The following ULK4 variants were observed in gnomAD, a reference collection of about 807,000 sequenced individuals.
ULK4 encodes inactive serine/threonine-protein kinase ULK4.
Under a neutral mutation model 160.6 loss-of-function variants are expected in ULK4, and 133 were observed. That is an observed-to-expected ratio of 0.83 (90% CI 0.72 to 0.96). The LOEUF (loss-of-function observed/expected upper bound fraction) is 0.96, where lower values mean the gene tolerates loss of function less well. ULK4 is among the 40% of genes least tolerant of loss of function. ULK4 has a pLI of 0.00. For missense variants in ULK4, 1,580 were observed against 1,499.5 expected (o/e 1.05, Z -0.89); for synonymous variants, 534 against 539.8 (o/e 0.99, Z 0.15).
At chr3:41,555,852 A>G (rs1438978905) in intron 32 of ULK4, among the ~76,000 whole-genome samples, 4 of 152,044 alleles carry the variant, frequency 2.6e-5, no homozygotes, top group African/African-American at 9.7e-5. Flanking sequence ...AACAAAACCA[A>G]AACAAGATCA....
At chr3:41,455,711 GTT>G in intron 33 of ULK4, 116 bp from the exon 34 acceptor site, 1 of 815,196 alleles carries the variant, frequency 1.2e-6, no homozygotes, top group Non-Finnish European at 2.0e-6. Context: ...TTCTACCTCA[GTT>G]CCCAAGGATG....
At chr3:41,291,734 T>C (rs1320966535) in intron 35 of ULK4, among the ~76,000 whole-genome samples, 3 of 152,226 alleles carry the variant, frequency 2.0e-5, no homozygotes, top group South Asian at 2.1e-4. Flanking sequence ...ATGGGGCTTC[T>C]GGGGTACTGC....
intron 34 of ULK4, among the ~76,000 whole-genome samples, chr3:41,408,510 AAC>A (rs1176559242): frequency 6.6e-6 from 1 of 152,028 alleles, no homozygotes; most frequent in Non-Finnish European, 1.5e-5. Flanking sequence ...CAGAAGATTA[AAC>A]ACTGTTAAGA....
chr3:41,649,025 AGCTGAG>A (rs1335958778), intron 30 of ULK4, among the ~76,000 whole-genome samples: 2 of 151,938 alleles, frequency 1.3e-5, no homozygotes, highest in African/African-American at 4.8e-5. Flanking sequence ...CTACTTGGGA[AGCTGAG>A]GCAGGCGGGT....
At chr3:41,495,239 A>G (rs1575309310) in intron 32 of ULK4, among the ~76,000 whole-genome samples, 1 of 152,160 alleles carries the variant, frequency 6.6e-6, no homozygotes, top group African/African-American at 2.4e-5. Flanking sequence ...GATATAGATC[A>G]ATGGAACAGA....
At chr3:41,606,785 G>A (rs2032401853) in intron 31 of ULK4, among the ~76,000 whole-genome samples, 4 of 151,882 alleles carry the variant, frequency 2.6e-5, no homozygotes, top group Non-Finnish European at 5.9e-5. Flanking sequence ...TCTATTCAGA[G>A]CCTTTGCCCA....
chr3:41,332,346 G>C (rs190516023), intron 35 of ULK4, among the ~76,000 whole-genome samples: 1 of 152,280 alleles, frequency 6.6e-6, no homozygotes, highest in East Asian at 1.9e-4. Flanking sequence ...AATGATTTTA[G>C]GAAAGTTCTG....
chr3:41,717,006 C>T (rs989680110), intron 23 of ULK4, among the ~76,000 whole-genome samples: 3 of 151,860 alleles, frequency 2.0e-5, no homozygotes, highest in Admixed American at 6.6e-5. Flanking sequence ...GATTATATGG[C>T]AGTAGAAAAT....
At chr3:41,871,727 T>A (rs1247014981) in intron 17 of ULK4, among the ~76,000 whole-genome samples, 2 of 152,272 alleles carry the variant, frequency 1.3e-5, no homozygotes, top group African/African-American at 4.8e-5. Flanking sequence ...ACTCCAGATA[T>A]GAGTCCTTCG....
rs1379696534 is a variant in ULK4, at chr3:41,918,629, T to C, written c.644-89A>G. ...TTTTTTTTTTTTTTTTGAGATGGAG[T>C]CTTGCTCTGTCACCCAGGCTGGAGT... is the stretch of plus-strand genomic sequence containing the variant. On this transcript the variant is annotated intron_variant, in intron 6 of 36. Transcript: ENST00000301831. 15 of 677,406 alleles carry C rather than the reference T, an allele frequency of 2.2e-5. No individual in the cohort carries two copies. The South Asian group carries it at 3.1e-4, about 14-fold the overall frequency. 42.0% of individuals were successfully genotyped at this position (677,406 alleles called of 1,614,324 possible).
chr3:41,334,853 G>T (rs2080521705), intron 35 of ULK4, among the ~76,000 whole-genome samples: 1 of 142,928 alleles, frequency 7.0e-6, no homozygotes. Flanking sequence ...ATCCTTTGAA[G>T]AAGTAGAGAT....
intron 17 of ULK4, among the ~76,000 whole-genome samples, chr3:41,849,237 A>C (rs2042145631): frequency 6.6e-6 from 1 of 152,236 alleles, no homozygotes; most frequent in South Asian, 2.1e-4. Context: ...AGAGGTAGTC[A>C]TGAAGGACTT....
chr3:41,522,117 TTTC>T (rs1231335868), intron 32 of ULK4, among the ~76,000 whole-genome samples: 4 of 134,030 alleles, frequency 3.0e-5, no homozygotes, highest in African/African-American at 8.7e-5. Flanking sequence ...TTAAATGTTT[TTTC>T]TTTTTTTTCT....
intron 4 of ULK4, among the ~76,000 whole-genome samples, chr3:41,935,532 T>C (rs1046846655): frequency 6.6e-6 from 1 of 151,880 alleles, no homozygotes; most frequent in Non-Finnish European, 1.5e-5. Flanking sequence ...CCTAGCCTTT[T>C]ATGTTTTTAG....
chr3:41,454,781 C>T (rs2083504601), intron 34 of ULK4, among the ~76,000 whole-genome samples: 1 of 151,988 alleles, frequency 6.6e-6, no homozygotes, highest in Admixed American at 6.6e-5. Flanking sequence ...CAACCTCTGC[C>T]TCCTGGGTTC....
chr3:41,896,829 G>A lies in ULK4; in HGVS notation c.1523C>T (p.Ser508Phe). ...CATGTCACACAGGCTTACCAGGGGG[G>A]AATGGAGGAGCCTGGTGGCCACCTC... ...HQEVATRLLHSPLFQLLIQHL... is the reference protein window; with the variant it reads ...HQEVATRLLHFPLFQLLIQHL... Residue 508 changes from serine (S) to phenylalanine (F), a missense_variant, in exon 15 of 37, where the codon TCC becomes TTC. Transcript: ENST00000301831. The A allele has an allele frequency of 1.2e-6, 2 of 1,612,136 alleles. No homozygotes were observed. Among genetic ancestry groups the A allele is most frequent in the Admixed American group, 1.7e-5 (1 of 59,874 alleles).
intron 35 of ULK4, among the ~76,000 whole-genome samples, chr3:41,304,928 G>A (rs2079875646): frequency 6.6e-6 from 1 of 152,214 alleles, no homozygotes; most frequent in African/African-American, 2.4e-5. Context: ...TGAGAACGCA[G>A]TATTATCATC....
At chr3:41,468,776 T>A (rs1414878247) in intron 32 of ULK4, among the ~76,000 whole-genome samples, 1 of 152,112 alleles carries the variant, frequency 6.6e-6, no homozygotes, top group East Asian at 1.9e-4. Flanking sequence ...GAACCAGAGG[T>A]GGACAACCAT....
chr3:41,772,496 T>C (rs1174964837), intron 21 of ULK4, among the ~76,000 whole-genome samples: 1 of 152,074 alleles, frequency 6.6e-6, no homozygotes, highest in Non-Finnish European at 1.5e-5. Context: ...CCTCGACACA[T>C]ACACCCTCCC....
Sources: gnomAD v4.1 joint callset for allele counts (sites outside exome capture counted in the v4.1 genomes callset) on GRCh38, gnomAD v4.1.1 for gene constraint, MANE v1.5 for transcripts, NCBI Gene and HGNC (gene_info 2026-07-23, HGNC 2026-07-21) for gene names.